Variants in HSD17B6 observed in about 807,000 individuals in gnomAD.
HSD17B6 encodes the protein hydroxysteroid 17-beta dehydrogenase 6.
HSD17B6 carries 16 observed loss-of-function variants against 26.4 expected under a neutral mutation model. The ratio of observed to expected loss-of-function variants is 0.61; its 90% CI spans 0.41 to 0.92. The LOEUF (loss-of-function observed/expected upper bound fraction) is 0.92, where lower values mean the gene tolerates loss of function less well. HSD17B6 is among the 40% of genes least tolerant of loss of function. HSD17B6 has a pLI of 0.00. For synonymous variants in HSD17B6, 139 were observed against 153.0 expected (o/e 0.91, Z 0.68); for missense variants, 357 against 386.1 (o/e 0.92, Z 0.63).
intron 1 of HSD17B6, among the ~76,000 whole-genome samples, chr12:56,765,328 C>T (rs1291439757): frequency 6.6e-6 from 1 of 151,486 alleles, no homozygotes; most frequent in African/African-American, 2.4e-5. Context: ...CCCAGCTACT[C>T]AGGAGGCTAA....
rs934309842 is a variant in HSD17B6, at chr12:56,784,479, G to A, written c.573-374G>A. Among the ~76,000 whole-genome samples, 15 of 152,236 alleles carry A rather than the reference G, an allele frequency of 9.9e-5. No individual in the cohort carries two copies. The East Asian group carries it at 1.4e-3, about 14-fold the overall frequency. ...CACTCGCGGTTAGGAGCTGGAGACC[G>A]GCCCGGCCAACACAGTGAAACCCCG... is the stretch of plus-strand genomic sequence containing the variant. On this transcript the variant is annotated intron_variant, in intron 3 of 4. Coordinates refer to ENST00000322165, the MANE Select transcript of HSD17B6 (RefSeq NM_003725.4).
intron 4 of HSD17B6, chr12:56,785,887 A>G: frequency 1.1e-6 from 1 of 928,940 alleles, no homozygotes; most frequent in Non-Finnish European, 1.3e-6. Flanking sequence ...CTGAGGCTAT[A>G]TTTCTCTTGT....
At chr12:56,781,289 C>T (rs537584419) in intron 2 of HSD17B6, among the ~76,000 whole-genome samples, 89 of 152,030 alleles carry the variant, frequency 5.9e-4, no homozygotes, top group Non-Finnish European at 1.1e-3. Context: ...TTTTTAATCT[C>T]TTTATATTTG....
intron 1 of HSD17B6, among the ~76,000 whole-genome samples, chr12:56,764,068 C>CAA (rs71081400): frequency 0.044 from 3,271 of 74,286 alleles, 218 homozygotes; most frequent in African/African-American, 0.12. Flanking sequence ...GACCGTGTCT[C>CAA]AAAAAAAAAA....
At chr12:56,781,404 A>C (rs1954711400) in intron 2 of HSD17B6, among the ~76,000 whole-genome samples, 1 of 152,336 alleles carries the variant, frequency 6.6e-6, no homozygotes, top group East Asian at 1.9e-4. Flanking sequence ...TTAAAATTTC[A>C]ATAGTTGTAT....
At chr12:56,783,094 C>T (rs1954762269) in intron 3 of HSD17B6, among the ~76,000 whole-genome samples, 1 of 152,252 alleles carries the variant, frequency 6.6e-6, no homozygotes, top group African/African-American at 2.4e-5. Flanking sequence ...CCCCACCTTG[C>T]CCCCTTTTCT....
intron 1 of HSD17B6, chr12:56,770,464 C>T (rs1346523503): frequency 6.6e-6 from 1 of 152,380 alleles, no homozygotes; most frequent in African/African-American, 2.4e-5. Context: ...AGCAGACCTC[C>T]TGGTTGCATT....
rs1310644986 is a variant in HSD17B6, at chr12:56,783,716, C to T, written c.573-1137C>T. On this transcript the variant is annotated intron_variant, in intron 3 of 4. Transcript: ENST00000322165. ...TGACCCCCCTCACCTCCCTCCCGGACGGGACGGCTGGCCGGGCAGAGGGGC... is the reference window on the plus strand; with the variant it reads ...TGACCCCCCTCACCTCCCTCCCGGATGGGACGGCTGGCCGGGCAGAGGGGC... Among the ~76,000 whole-genome samples, 7 of 143,370 alleles carry T rather than the reference C, an allele frequency of 4.9e-5. No individual in the cohort carries two copies. The East Asian group carries it at 6.4e-4, about 13-fold the overall frequency. 94.1% of individuals were successfully genotyped at this position (143,370 alleles called of 152,430 possible). A position where few individuals can be genotyped will look rare whatever the true frequency, so the allele number is the denominator to read the frequency against.
In HSD17B6 at chr12:56,783,661, T is replaced by C. The variant is rs867354575; in HGVS notation, c.573-1192T>C. 2.6e-4 allele frequency among the ~76,000 whole-genome samples: 20 copies of C among 76,180 alleles called. 1 individual carries two copies. The highest frequency in any genetic ancestry group is 4.9e-4 in the African/African-American group (8 of 16,304). 50.0% of individuals were successfully genotyped at this position (76,180 alleles called of 152,430 possible). A position where few individuals can be genotyped will look rare whatever the true frequency, so the allele number is the denominator to read the frequency against. The stretch of plus-strand genomic sequence containing the variant: ...GGGGCTGACCCCCCCCACCTCCCTC[T>C]CGGACGGGACGGCTGGCCGGGCGGG... On this transcript the variant is annotated intron_variant, in intron 3 of 4. Transcript: ENST00000322165.
At chr12:56,778,326 CACCCAGGCTGGAGT>C (rs1168250577) in intron 2 of HSD17B6, among the ~76,000 whole-genome samples, 1 of 152,146 alleles carries the variant, frequency 6.6e-6, no homozygotes, top group Non-Finnish European at 1.5e-5. Flanking sequence ...CTTGCTGTGT[CACCCAGGCTGGAGT>C]GCAGTGGCGC....
chr12:56,777,921 C>T (rs1384577149), intron 2 of HSD17B6, among the ~76,000 whole-genome samples: 1 of 152,102 alleles, frequency 6.6e-6, no homozygotes, highest in Non-Finnish European at 1.5e-5. Flanking sequence ...CAGGCAGAGT[C>T]AGAAGTTATG....
rs535112568 is a variant in HSD17B6, at chr12:56,780,007, T to C, written c.314-1967T>C. Among the ~76,000 whole-genome samples, 11 of 152,344 alleles carry C rather than the reference T, an allele frequency of 7.2e-5. No homozygotes were observed. The South Asian group carries it at 2.1e-3, about 29-fold the overall frequency. ...AGTCTATGTTAATAATTACTTTCTC[T>C]TGGCACATTGAAGACACCATTCCAG... On this transcript the variant is annotated intron_variant, in intron 2 of 4. Transcript: ENST00000322165.
At chr12:56,785,112 A>G in intron 4 of HSD17B6, 96 bp downstream of exon 4, 1 of 1,298,364 alleles carries the variant, frequency 7.7e-7, no homozygotes, top group Non-Finnish European at 1.1e-6. Flanking sequence ...TAATTTATAA[A>G]GAAAAGAGGT....
chr12:56,781,097 AC>A (rs909011658), intron 2 of HSD17B6, among the ~76,000 whole-genome samples: 2 of 152,190 alleles, frequency 1.3e-5, no homozygotes, highest in African/African-American at 4.8e-5. Context: ...TCTTTACGAC[AC>A]CAAAAAGCAA....
chr12:56,784,468 A>G (rs1282986186), intron 3 of HSD17B6, among the ~76,000 whole-genome samples: 1 of 152,298 alleles, frequency 6.6e-6, no homozygotes, highest in South Asian at 2.1e-4. Context: ...CGCGGTTAGG[A>G]GCTGGAGACC....
At chr12:56,769,251 G>A (rs1954417323) in intron 1 of HSD17B6, among the ~76,000 whole-genome samples, 1 of 151,970 alleles carries the variant, frequency 6.6e-6, no homozygotes. Flanking sequence ...TACAGGCACT[G>A]CCACCACACT....
rs1238405331 is a variant in HSD17B6 at position 56,768,295 on chromosome 12, A to G, written c.-20+4881A>G. On this transcript the variant is annotated intron_variant, in intron 1 of 4. Transcript: ENST00000322165. The stretch of plus-strand genomic sequence containing the variant: ...TAATAGGTCCTTGGTGAGCTGTGAG[A>G]GAGTTTCCAGAGAGTGATGGGAATG... Among the ~76,000 whole-genome samples, 9 of 152,200 alleles carry G rather than the reference A, an allele frequency of 5.9e-5. No individual in the cohort carries two copies. The East Asian group carries it at 7.7e-4, about 13-fold the overall frequency.
intron 1 of HSD17B6, among the ~76,000 whole-genome samples, chr12:56,767,686 AATAGAGGGTATATTATATATACAC>A (rs1263860919): frequency 1.4e-5 from 2 of 144,546 alleles, no homozygotes; most frequent in Non-Finnish European, 3.0e-5. Flanking sequence ...ATATATACAC[AATAGAGGGTATATTATATATACAC>A]ATATATACAC....
At chr12:56,765,365 G>T (rs762549190) in intron 1 of HSD17B6, among the ~76,000 whole-genome samples, 1 of 152,016 alleles carries the variant, frequency 6.6e-6, no homozygotes, top group Non-Finnish European at 1.5e-5. Context: ...GAACCTGGGA[G>T]GCAGAGGTTG....
Sources: gnomAD v4.1 joint callset for allele counts (sites outside exome capture counted in the v4.1 genomes callset) on GRCh38, gnomAD v4.1.1 for gene constraint, MANE v1.5 for transcripts, NCBI Gene and HGNC (gene_info 2026-07-23, HGNC 2026-07-21) for gene names.